The following MOB3B variants were observed in gnomAD, a reference collection of about 807,000 sequenced individuals.
MOB3B encodes the protein MOB kinase activator-like 2B.
Under a neutral mutation model 18.7 loss-of-function variants are expected in MOB3B, and 7 were observed. That is an observed-to-expected ratio of 0.37 (90% CI 0.21 to 0.70). The LOEUF (loss-of-function observed/expected upper bound fraction) is 0.70, where lower values mean the gene tolerates loss of function less well. MOB3B is among the 30% of genes least tolerant of loss of function. The pLI is 0.52. For missense variants in MOB3B, 253 were observed against 281.3 expected (o/e 0.90, Z 0.72); for synonymous variants, 111 against 99.9 (o/e 1.11, Z -0.66).
chr9:27,515,114 C>G (rs186793825), intron 1 of MOB3B, among the ~76,000 whole-genome samples: 1 of 152,254 alleles, frequency 6.6e-6, no homozygotes, highest in Non-Finnish European at 1.5e-5. Flanking sequence ...GATTTGCAAC[C>G]CTCTACACTA....
At chr9:27,419,760 C>G (rs542507450) in intron 2 of MOB3B, among the ~76,000 whole-genome samples, 41 of 152,186 alleles carry the variant, frequency 2.7e-4, no homozygotes, top group Non-Finnish European at 4.7e-4. Context: ...ATTTCATGAC[C>G]AAGAACCCAA....
At chr9:27,346,788 A>T (rs964034500) in intron 3 of MOB3B, among the ~76,000 whole-genome samples, 1 of 152,156 alleles carries the variant, frequency 6.6e-6, no homozygotes, top group Non-Finnish European at 1.5e-5. Context: ...TGAGGTCAGA[A>T]GTTCAAGACC....
At chr9:27,426,259 A>G (rs577466990) in intron 2 of MOB3B, among the ~76,000 whole-genome samples, 3 of 152,348 alleles carry the variant, frequency 2.0e-5, no homozygotes, top group East Asian at 3.9e-4. Context: ...AAAGTCATGT[A>G]CATTGAGTGT....
chr9:27,358,860 G>A (rs770079473), intron 3 of MOB3B, 174 bp downstream of exon 3: 1 of 773,836 alleles, frequency 1.3e-6, no homozygotes, highest in Non-Finnish European at 2.3e-6. Context: ...TGGTGACAGT[G>A]GACATCTTGG....
At chr9:27,330,708 G>A (rs1442254635) in intron 3 of MOB3B, 92 bp from the exon 4 acceptor site, 4 of 1,560,058 alleles carry the variant, frequency 2.6e-6, no homozygotes, top group Middle Eastern at 1.7e-4. Context: ...GGAATCTCGA[G>A]AGCCTGTAAA....
intron 3 of MOB3B, among the ~76,000 whole-genome samples, chr9:27,355,873 G>T (rs575111249): frequency 1.3e-5 from 2 of 152,214 alleles, no homozygotes; most frequent in African/African-American, 4.8e-5. Flanking sequence ...TATATATAGA[G>T]TATCAATATA....
intron 2 of MOB3B, among the ~76,000 whole-genome samples, chr9:27,375,962 T>C (rs765444429): frequency 3.3e-5 from 5 of 152,206 alleles, no homozygotes; most frequent in Non-Finnish European, 5.9e-5. Context: ...AAAGTAATAT[T>C]GTTTAAAAAT....
At chr9:27,433,365 A>G (rs1275439056) in intron 2 of MOB3B, among the ~76,000 whole-genome samples, 3 of 152,144 alleles carry the variant, frequency 2.0e-5, no homozygotes, top group Non-Finnish European at 4.4e-5. Flanking sequence ...CACCCATCTT[A>G]AGCAGTAAGA....
chr9:27,519,020 C>T (rs1741156685), intron 1 of MOB3B, among the ~76,000 whole-genome samples: 1 of 152,084 alleles, frequency 6.6e-6, no homozygotes, highest in African/African-American at 2.4e-5. Flanking sequence ...ATGATCTGAC[C>T]AGCCTCGGGG....
At chr9:27,417,506 A>C (rs1278456340) in intron 2 of MOB3B, among the ~76,000 whole-genome samples, 1 of 152,220 alleles carries the variant, frequency 6.6e-6, no homozygotes, top group African/African-American at 2.4e-5. Context: ...TGATCTTATT[A>C]CAGCTCCTCT....
At chr9:27,509,881 C>T (rs1451947323) in intron 1 of MOB3B, among the ~76,000 whole-genome samples, 3 of 152,104 alleles carry the variant, frequency 2.0e-5, no homozygotes, top group Non-Finnish European at 4.4e-5. Flanking sequence ...CGCAGCACCG[C>T]GTCCGGCTAA....
chr9:27,438,842 G>T (rs1232992169), intron 2 of MOB3B, among the ~76,000 whole-genome samples: 1 of 152,128 alleles, frequency 6.6e-6, no homozygotes, highest in Non-Finnish European at 1.5e-5. Context: ...GCCCCAAAGT[G>T]TCAACTCCTT....
rs1050410405 is a variant in MOB3B at position 27,355,796 on chromosome 9, T to C, written c.621+3238A>G. On this transcript the variant is annotated intron_variant, in intron 3 of 3. Transcript: ENST00000262244. Reference sequence around the variant, plus strand: ...CCAGGATGGTCTCGATCTCCTGACCTCGTGATCTGCCTGCCTCGAGAGCAT... The same window carrying C: ...CCAGGATGGTCTCGATCTCCTGACCCCGTGATCTGCCTGCCTCGAGAGCAT... 3.9e-5 allele frequency among the ~76,000 whole-genome samples: 6 copies of C among 152,326 alleles called. No homozygotes were observed. The South Asian group carries it at 1.2e-3, about 32-fold the overall frequency.
intron 3 of MOB3B, 78 bp from the exon 4 acceptor site, chr9:27,330,694 T>C (rs1412120861): frequency 2.5e-6 from 4 of 1,590,956 alleles, no homozygotes; most frequent in Non-Finnish European, 3.4e-6. Context: ...CTGAAAATGC[T>C]CTTGGAATCT....
intron 2 of MOB3B, among the ~76,000 whole-genome samples, chr9:27,371,204 G>C (rs996660185): frequency 7.9e-5 from 12 of 152,216 alleles, no homozygotes; most frequent in Admixed American, 1.3e-4. Flanking sequence ...GTGGGGGCAA[G>C]GGAGAAGATA....
At chr9:27,387,822 T>C (rs1019874264) in intron 2 of MOB3B, among the ~76,000 whole-genome samples, 2 of 152,110 alleles carry the variant, frequency 1.3e-5, no homozygotes, top group Non-Finnish European at 2.9e-5. Context: ...GAGGCTAGGA[T>C]GGAAAACAAG....
intron 2 of MOB3B, among the ~76,000 whole-genome samples, chr9:27,375,333 C>T (rs151312072): frequency 8.9e-4 from 136 of 152,286 alleles, no homozygotes; most frequent in African/African-American, 2.5e-3. Context: ...GTTTTCTGAA[C>T]GGAATCCCAG....
intron 1 of MOB3B, among the ~76,000 whole-genome samples, chr9:27,463,394 C>T (rs764537806): frequency 2.0e-4 from 30 of 152,138 alleles, no homozygotes; most frequent in Admixed American, 3.3e-4. Context: ...CCTCTTACCA[C>T]CTACTTAAAA....
intron 1 of MOB3B, among the ~76,000 whole-genome samples, chr9:27,526,951 G>A (rs2131512683): frequency 6.6e-6 from 1 of 152,254 alleles, no homozygotes; most frequent in Middle Eastern, 3.4e-3. Context: ...AGGGAAATAT[G>A]GCAATCTTCA....
Sources: allele counts gnomAD v4.1 joint callset (sites outside exome capture counted in the v4.1 genomes callset), GRCh38; gene constraint gnomAD v4.1.1; transcripts MANE v1.5; gene names NCBI Gene and HGNC (gene_info 2026-07-23, HGNC 2026-07-21).